Variants in CRISPLD2 observed in about 807,000 individuals in gnomAD.
The protein encoded by CRISPLD2 is cysteine-rich secretory protein LCCL domain-containing 2.
CRISPLD2 carries 47 observed loss-of-function variants against 71.1 expected under a neutral mutation model. That is an observed-to-expected ratio of 0.66 (90% CI 0.52 to 0.84). The LOEUF is 0.84. CRISPLD2 is among the 40% of genes least tolerant of loss of function. The probability of loss-of-function intolerance (pLI) is 0.00; values close to 1 mark genes in which losing one functional copy is unlikely to be tolerated. For missense variants in CRISPLD2, 830 were observed against 651.1 expected (o/e 1.27, Z -2.99); for synonymous variants, 317 against 250.1 (o/e 1.27, Z -2.52).
intron 13 of CRISPLD2, among the ~76,000 whole-genome samples, chr16:84,888,495 A>G (rs1456388881): frequency 6.6e-6 from 1 of 152,218 alleles, no homozygotes; most frequent in Non-Finnish European, 1.5e-5. Context: ...GAACTCCTTG[A>G]TGATGTCAGA....
At chr16:84,888,188 T>C (rs2143341102) in intron 13 of CRISPLD2, among the ~76,000 whole-genome samples, 1 of 152,348 alleles carries the variant, frequency 6.6e-6, no homozygotes, top group South Asian at 2.1e-4. Context: ...CTTTTCCGGC[T>C]TCTAGAGGCC....
intron 14 of CRISPLD2, among the ~76,000 whole-genome samples, chr16:84,897,913 G>C (rs974761739): frequency 6.6e-6 from 1 of 152,182 alleles, no homozygotes; most frequent in Non-Finnish European, 1.5e-5. Flanking sequence ...TACCACACCC[G>C]GCTTAAACAC....
At chr16:84,896,316 T>C (rs2071705764) in intron 14 of CRISPLD2, among the ~76,000 whole-genome samples, 1 of 152,080 alleles carries the variant, frequency 6.6e-6, no homozygotes, top group South Asian at 2.1e-4. Flanking sequence ...CCCAAAGTGC[T>C]GGGAGTACAG....
At chr16:84,844,239 C>G (rs1426996941) in intron 2 of CRISPLD2, among the ~76,000 whole-genome samples, 1 of 152,246 alleles carries the variant, frequency 6.6e-6, no homozygotes, top group Non-Finnish European at 1.5e-5. Flanking sequence ...TCTTCAGAGT[C>G]TCTGCCCAGA....
intron 13 of CRISPLD2, among the ~76,000 whole-genome samples, chr16:84,881,975 A>G (rs1334918376): frequency 6.6e-6 from 1 of 152,104 alleles, no homozygotes; most frequent in Non-Finnish European, 1.5e-5. Flanking sequence ...TCCTCTTTAA[A>G]TGGGTCTTTT....
At chr16:84,879,361 C>CTTTTTT (rs376471544) in intron 12 of CRISPLD2, among the ~76,000 whole-genome samples, 1 of 83,340 alleles carries the variant, frequency 1.2e-5, no homozygotes, top group African/African-American at 6.2e-5. Flanking sequence ...CTTTCCAATT[C>CTTTTTT]TTTTTTTTTT....
chr16:84,866,077 T>C (rs918730432), intron 6 of CRISPLD2, among the ~76,000 whole-genome samples: 5 of 152,118 alleles, frequency 3.3e-5, no homozygotes, highest in African/African-American at 1.2e-4. Context: ...AGTGGGCTGG[T>C]GTGAGGTGCA....
intron 2 of CRISPLD2, among the ~76,000 whole-genome samples, chr16:84,840,728 G>T (rs1483952021): frequency 2.0e-5 from 3 of 151,980 alleles, no homozygotes; most frequent in Non-Finnish European, 4.4e-5. Context: ...TTTTATTAGA[G>T]ACGGGATTTC....
At chr16:84,900,528 T>C (rs1266283950) in intron 14 of CRISPLD2, among the ~76,000 whole-genome samples, 1 of 6,710 alleles carries the variant, frequency 1.5e-4, no homozygotes, top group East Asian at 0.12. Context: ...AAGCAAGACA[T>C]CACACAGCGC....
At chr16:84,900,787 C>T (rs893458720) in intron 14 of CRISPLD2, among the ~76,000 whole-genome samples, 8 of 152,220 alleles carry the variant, frequency 5.3e-5, no homozygotes, top group South Asian at 2.1e-4. Context: ...CTCAATGGCT[C>T]GCGCTTATAA....
intron 13 of CRISPLD2, among the ~76,000 whole-genome samples, chr16:84,884,741 G>A (rs1037932783): frequency 6.6e-6 from 1 of 152,156 alleles, no homozygotes. Context: ...TGAGCTTTTC[G>A]TACTGACGCC....
chr16:84,891,238 T>A (rs2071659706), intron 14 of CRISPLD2, among the ~76,000 whole-genome samples: 1 of 152,346 alleles, frequency 6.6e-6, no homozygotes, highest in East Asian at 1.9e-4. Flanking sequence ...AAATCAAGGC[T>A]GTAACTTGCC....
intron 6 of CRISPLD2, among the ~76,000 whole-genome samples, chr16:84,855,957 A>C (rs973379441): frequency 6.6e-6 from 1 of 152,242 alleles, no homozygotes; most frequent in Non-Finnish European, 1.5e-5. Flanking sequence ...ACAAGTGTAT[A>C]CATGCACAAG....
chr16:84,881,695 C>T (rs1240919269), intron 13 of CRISPLD2, among the ~76,000 whole-genome samples: 16 of 152,088 alleles, frequency 1.1e-4, no homozygotes, highest in Admixed American at 9.8e-4. Flanking sequence ...AGGCTGATCT[C>T]GAACTCCTGG....
At chr16:84,906,179 G>GCT (rs2071800644) in intron 14 of CRISPLD2, among the ~76,000 whole-genome samples, 1 of 152,022 alleles carries the variant, frequency 6.6e-6, no homozygotes, top group Non-Finnish European at 1.5e-5. Flanking sequence ...AAGGTGGAAG[G>GCT]CGGTGAAGCA....
intron 8 of CRISPLD2, among the ~76,000 whole-genome samples, chr16:84,869,323 C>G (rs553953874): frequency 6.6e-6 from 1 of 152,174 alleles, no homozygotes; most frequent in Non-Finnish European, 1.5e-5. Flanking sequence ...GTGCAGCCGC[C>G]GCACGCACAC....
intron 5 of CRISPLD2, among the ~76,000 whole-genome samples, chr16:84,851,369 A>G (rs1415519183): frequency 6.6e-6 from 1 of 152,152 alleles, no homozygotes; most frequent in African/African-American, 2.4e-5. Context: ...TGATTCTTGG[A>G]GAGTCACTCC....
intron 3 of CRISPLD2, among the ~76,000 whole-genome samples, chr16:84,847,782 G>C (rs1916956408): frequency 6.6e-6 from 1 of 152,182 alleles, no homozygotes; most frequent in Admixed American, 6.5e-5. Flanking sequence ...GGGCGCCGAC[G>C]TAGTTTTACA....
At chr16:84,894,202 T>C (rs2071686450) in intron 14 of CRISPLD2, among the ~76,000 whole-genome samples, 1 of 152,034 alleles carries the variant, frequency 6.6e-6, no homozygotes, top group African/African-American at 2.4e-5. Context: ...CCCACCTGGG[T>C]ATCAAAGGAA....
Sources: allele counts gnomAD v4.1 joint callset (sites outside exome capture counted in the v4.1 genomes callset), GRCh38; gene constraint gnomAD v4.1.1; transcripts MANE v1.5; gene names NCBI Gene and HGNC (gene_info 2026-07-23, HGNC 2026-07-21).